LGR6: variants seen among roughly 807,000 people sequenced by gnomAD.
LGR6 encodes leucine-rich repeat-containing G protein-coupled receptor 6.
Under a neutral mutation model 69.4 loss-of-function variants are expected in LGR6, and 45 were observed. The observed-to-expected ratio is 0.65, with a 90% CI of 0.51 to 0.83. The LOEUF is 0.83. LGR6 is among the 40% of genes least tolerant of loss of function. LGR6 has a pLI of 0.00. For synonymous variants in LGR6, 538 were observed against 555.0 expected, an observed-to-expected ratio of 0.97 and a Z score of 0.43; for missense variants, 1,108 against 1,246.7, an observed-to-expected ratio of 0.89 and a Z score of 1.68.
chr1:202,249,178 G>A (rs1663011527), intron 4 of LGR6, among the ~76,000 whole-genome samples: 1 of 152,038 alleles, frequency 6.6e-6, no homozygotes, highest in Non-Finnish European at 1.5e-5. Context: ...TCATCTACAG[G>A]CGAAGCATTC....
At chr1:202,278,159 G>T (rs971004999) in intron 5 of LGR6, among the ~76,000 whole-genome samples, 6 of 152,174 alleles carry the variant, frequency 3.9e-5, no homozygotes, top group African/African-American at 1.4e-4. Flanking sequence ...TTGAAGGCTG[G>T]ATTGGAACCG....
At chr1:202,295,518 T>C (rs1402105682) in intron 6 of LGR6, among the ~76,000 whole-genome samples, 1 of 152,134 alleles carries the variant, frequency 6.6e-6, no homozygotes, top group East Asian at 1.9e-4. Flanking sequence ...AGAGAGGCCA[T>C]TGCTTTCATC....
chr1:202,307,317 T>C lies in LGR6; in HGVS notation c.1209-13T>C, dbSNP rs1653318084. The stretch of plus-strand genomic sequence containing the variant: ...GTTACTGTCCCCTCCTGTCACACCC[T>C]CTCTGCCTGCAGGGATCTTAGCTGG... On this transcript the variant is annotated splice_polypyrimidine_tract_variant and intron_variant, in intron 13 of 17. Coordinates refer to ENST00000367278, the MANE Select transcript of LGR6 (RefSeq NM_001017403.2). The C allele has an allele frequency of 6.2e-7, 1 of 1,613,786 alleles. No individual in the cohort carries two copies. The highest frequency in any genetic ancestry group is 8.5e-7 in the Non-Finnish European group (1 of 1,179,696).
At chr1:202,306,752 C>T (rs1653232194) in intron 12 of LGR6, 116 bp from the exon 13 acceptor site, 1 of 955,464 alleles carries the variant, frequency 1.0e-6, no homozygotes. Context: ...TGGGCCCTTT[C>T]TTCCTGTGCC....
At chr1:202,257,909 G>GC (rs1410378279) in intron 4 of LGR6, among the ~76,000 whole-genome samples, 16 of 152,024 alleles carry the variant, frequency 1.1e-4, no homozygotes, top group Non-Finnish European at 1.9e-4. Context: ...GTTGAGTATT[G>GC]CCATCTTAAC....
chr1:202,197,216 A>G, intron 1 of LGR6: 1 of 451,996 alleles, frequency 2.2e-6, no homozygotes, highest in East Asian at 6.1e-5. Context: ...CTTCTAGCCA[A>G]TACCTTTCAT....
At chr1:202,289,324 C>T (rs1365408134) in intron 6 of LGR6, among the ~76,000 whole-genome samples, 1 of 152,168 alleles carries the variant, frequency 6.6e-6, no homozygotes, top group Non-Finnish European at 1.5e-5. Flanking sequence ...CAAACTGGAT[C>T]CCCAATTGGG....
chr1:202,308,598 T>C (rs1270444903), intron 14 of LGR6, among the ~76,000 whole-genome samples: 2 of 152,168 alleles, frequency 1.3e-5, no homozygotes, highest in Non-Finnish European at 2.9e-5. Flanking sequence ...CTCTGTCCAG[T>C]CCCAGACTCA....
At chr1:202,206,590 C>T (rs887085412) in intron 1 of LGR6, among the ~76,000 whole-genome samples, 2 of 152,268 alleles carry the variant, frequency 1.3e-5, no homozygotes, top group African/African-American at 2.4e-5. Context: ...TGCACTGTCA[C>T]CCCGGCTGGA....
intron 1 of LGR6, among the ~76,000 whole-genome samples, chr1:202,202,377 C>T (rs1031805842): frequency 6.6e-6 from 1 of 152,152 alleles, no homozygotes; most frequent in Non-Finnish European, 1.5e-5. Flanking sequence ...GCCTCTCAGG[C>T]GAAAGGCACC....
chr1:202,308,959 C>T, intron 14 of LGR6, 92 bp from the exon 15 acceptor site: 1 of 1,483,850 alleles, frequency 6.7e-7, no homozygotes, highest in Non-Finnish European at 9.2e-7. Context: ...CTCTTGCTTC[C>T]ATCCCAGGCA....
intron 3 of LGR6, among the ~76,000 whole-genome samples, chr1:202,232,742 A>C (rs900114626): frequency 6.6e-6 from 1 of 152,238 alleles, no homozygotes; most frequent in East Asian, 1.9e-4. Flanking sequence ...CTGCCTCTCC[A>C]TATAGAACCA....
intron 10 of LGR6, among the ~76,000 whole-genome samples, chr1:202,304,343 C>G (rs957071375): frequency 1.3e-5 from 2 of 152,174 alleles, no homozygotes; most frequent in Admixed American, 6.5e-5. Flanking sequence ...TCCCCTCCCC[C>G]AGCTCCTCTA....
intron 4 of LGR6, among the ~76,000 whole-genome samples, chr1:202,251,554 C>T (rs1013419973): frequency 6.6e-6 from 1 of 152,100 alleles, no homozygotes; most frequent in African/African-American, 2.4e-5. Context: ...ACCCGGGAAG[C>T]CAGGAGGCTC....
In LGR6 at chr1:202,194,013, G is replaced by T; in HGVS notation, c.24G>T (p.Arg8=). The T allele has an allele frequency of 7.2e-7, 1 of 1,379,910 alleles. No individual in the cohort carries two copies. Among genetic ancestry groups the T allele is most frequent in the Non-Finnish European group, 9.3e-7 (1 of 1,070,040 alleles). 85.5% of individuals were successfully genotyped at this position (1,379,910 alleles called of 1,614,324 possible). A position where few individuals can be genotyped will look rare whatever the true frequency, so the allele number is the denominator to read the frequency against. ...AGATGCCCAGCCCGCCGGGGCTCCGGGCGCTATGGCTTTGCGCCGCGCTGT... is the reference window on the plus strand; with the variant it reads ...AGATGCCCAGCCCGCCGGGGCTCCGTGCGCTATGGCTTTGCGCCGCGCTGT... MPSPPGL[R]ALWLCAALCA... Residue 8 remains arginine, a synonymous_variant, in exon 1 of 18, where the codon CGG becomes CGT. Transcript: ENST00000367278.
chr1:202,294,731 A>G (rs115943463), intron 6 of LGR6, among the ~76,000 whole-genome samples: 3,394 of 152,330 alleles, frequency 0.022, 49 homozygotes, highest in Non-Finnish European at 0.036. Flanking sequence ...GGACCATGCC[A>G]GTCACAAGGC....
chr1:202,316,140 G>A (rs925940263), intron 17 of LGR6, among the ~76,000 whole-genome samples: 2 of 152,128 alleles, frequency 1.3e-5, no homozygotes, highest in African/African-American at 4.8e-5. Flanking sequence ...GTCTTAGTCC[G>A]CTTCGTGTTG....
At chr1:202,205,399 C>CACACACACACACCTA (rs1558005046) in intron 1 of LGR6, among the ~76,000 whole-genome samples, 13 of 3,688 alleles carry the variant, frequency 3.5e-3, no homozygotes, top group Admixed American at 0.016. Flanking sequence ...CTCCTTCAAA[C>CACACACACACACCTA]ACACACACCT....
In LGR6 at chr1:202,318,014, A is replaced by G; in HGVS notation, c.1711A>G (p.Ile571Val). The change falls in exon 18 of 18, where the codon ATC (isoleucine) becomes GTC (valine). Residue 571 changes from isoleucine to valine, a missense_variant. Ile to Val is a conservative substitution (Grantham distance 29). Coordinates refer to ENST00000367278, the MANE Select transcript of LGR6 (RefSeq NM_001017403.2). ...GGGCATCCGCCTGGCCGTGTGGGCC[A>G]TCGTGTTGCTCTCCGTGCTCTGCAA... is the stretch of plus-strand genomic sequence containing the variant. Reference protein sequence around the residue: ...SWGIRLAVWAIVLLSVLCNGL... With the variant: ...SWGIRLAVWAVVLLSVLCNGL... 1.9e-6 allele frequency: 3 copies of G among 1,613,656 alleles called. No individual in the cohort carries two copies. The highest frequency in any genetic ancestry group is 1.7e-6 in the Non-Finnish European group (2 of 1,179,856).
Sources: allele counts gnomAD v4.1 joint callset (sites outside exome capture counted in the v4.1 genomes callset), GRCh38; gene constraint gnomAD v4.1.1; transcripts MANE v1.5; gene names NCBI Gene and HGNC (gene_info 2026-07-23, HGNC 2026-07-21).